The following UIMC1 variants were observed in gnomAD, a reference collection of about 807,000 sequenced individuals.
The protein encoded by UIMC1 is ubiquitin interaction motif containing 1.
UIMC1 carries 42 observed loss-of-function variants against 84.9 expected under a neutral mutation model. The ratio of observed to expected loss-of-function variants is 0.49; its 90% CI spans 0.39 to 0.64. The LOEUF (loss-of-function observed/expected upper bound fraction) is 0.64. UIMC1 is among the 30% of genes least tolerant of loss of function. UIMC1 has a pLI of 0.00. For synonymous variants in UIMC1, 281 were observed against 293.0 expected, an observed-to-expected ratio of 0.96 and a Z score of 0.42; for missense variants, 825 against 847.6, an observed-to-expected ratio of 0.97 and a Z score of 0.33.
chr5:176,997,512 G>A (rs751629392), intron 1 of UIMC1, among the ~76,000 whole-genome samples: 2 of 151,858 alleles, frequency 1.3e-5, no homozygotes, highest in Admixed American at 6.6e-5. Context: ...GTGAAACCCC[G>A]TTTCTACTAA....
intron 6 of UIMC1, among the ~76,000 whole-genome samples, chr5:176,959,781 CAGCA>C (rs927996011): frequency 2.0e-5 from 3 of 151,802 alleles, no homozygotes; most frequent in Non-Finnish European, 2.9e-5. Flanking sequence ...CCTGTAATCC[CAGCA>C]CTTTGGGAGG....
rs761255160 is a variant in UIMC1, at chr5:176,943,294, C to A, written c.1597+41G>T. ...AATGTATAGGATTATAAAACCACCACACAAAAAAGTAAGAGTTTGGCTGTC... is the reference window on the plus strand; with the variant it reads ...AATGTATAGGATTATAAAACCACCAAACAAAAAAGTAAGAGTTTGGCTGTC... On this transcript the variant is annotated intron_variant, in intron 10 of 14. Transcript: ENST00000511320. 39 of 1,599,800 alleles carry A rather than the reference C, an allele frequency of 2.4e-5. 2 individuals are homozygous for A. The South Asian group carries it at 3.9e-4, about 16-fold the overall frequency.
At chr5:176,917,557 A>AT (rs1293008853) in intron 10 of UIMC1, among the ~76,000 whole-genome samples, 3 of 152,210 alleles carry the variant, frequency 2.0e-5, no homozygotes, top group Non-Finnish European at 4.4e-5. Context: ...GGGCGACAGA[A>AT]TGAGACTCTG....
intron 1 of UIMC1, among the ~76,000 whole-genome samples, chr5:176,999,470 C>T (rs1774131624): frequency 6.6e-6 from 1 of 151,984 alleles, no homozygotes; most frequent in South Asian, 2.1e-4. Flanking sequence ...ATAAGTCATC[C>T]TATTGTGCTA....
At chr5:176,923,553 CA>C (rs140083057) in intron 10 of UIMC1, among the ~76,000 whole-genome samples, 425 of 120,076 alleles carry the variant, frequency 3.5e-3, no homozygotes, top group Middle Eastern at 9.7e-3. Context: ...GTATCAAAAG[CA>C]AAAAAAAAAA....
At chr5:176,931,902 G>A (rs534328448) in intron 10 of UIMC1, among the ~76,000 whole-genome samples, 1 of 152,254 alleles carries the variant, frequency 6.6e-6, no homozygotes, top group South Asian at 2.1e-4. Flanking sequence ...AAACCGAGGA[G>A]GCAGAGGTTG....
intron 2 of UIMC1, among the ~76,000 whole-genome samples, chr5:176,981,346 G>C (rs1430605068): frequency 6.6e-6 from 1 of 151,962 alleles, no homozygotes; most frequent in African/African-American, 2.4e-5. Context: ...GGATTTCACT[G>C]TGGTAACCAG....
At chr5:176,947,650 C>T (rs545955343) in intron 9 of UIMC1, among the ~76,000 whole-genome samples, 120 of 152,042 alleles carry the variant, frequency 7.9e-4, no homozygotes, top group African/African-American at 2.7e-3. Context: ...AACCCCATCT[C>T]TACTAAAAAC....
intron 1 of UIMC1, among the ~76,000 whole-genome samples, chr5:176,994,822 C>T (rs558526735): frequency 1.3e-5 from 2 of 152,104 alleles, no homozygotes; most frequent in Non-Finnish European, 2.9e-5. Context: ...GGTCTCGCAA[C>T]GCAGGCATAG....
At chr5:176,953,495 TACACACACAC>T (rs137955830) in intron 8 of UIMC1, among the ~76,000 whole-genome samples, 7 of 136,974 alleles carry the variant, frequency 5.1e-5, no homozygotes, top group South Asian at 2.4e-4. Context: ...ACTGGACACA[TACACACACAC>T]ACACACACAC....
chr5:177,001,141 G>A (rs1774388115), intron 1 of UIMC1, among the ~76,000 whole-genome samples: 1 of 152,140 alleles, frequency 6.6e-6, no homozygotes, highest in African/African-American at 2.4e-5. Context: ...ATAGTTTGAG[G>A]TCTTAGATTT....
chr5:177,018,578 AAAATGGTTCTCATTT>A (rs1269239214), intron 1 of UIMC1, among the ~76,000 whole-genome samples: 2 of 152,286 alleles, frequency 1.3e-5, no homozygotes, highest in East Asian at 3.9e-4. Context: ...GATGTGTTGG[AAAATGGTTCTCATTT>A]TCCACAAGGA....
chr5:177,012,804 A>AGTC (rs1775578723), intron 1 of UIMC1, among the ~76,000 whole-genome samples: 1 of 152,168 alleles, frequency 6.6e-6, no homozygotes, highest in Non-Finnish European at 1.5e-5. Context: ...GCCCATTCAA[A>AGTC]GTAGATGTTT....
intron 12 of UIMC1, 68 bp from the exon 13 acceptor site, chr5:176,907,245 C>A: frequency 3.5e-6 from 5 of 1,429,256 alleles, no homozygotes; most frequent in Non-Finnish European, 2.9e-6. Context: ...TTCCACAGCC[C>A]AGATCACACG....
chr5:176,988,298 T>C (rs1442444804), intron 1 of UIMC1, among the ~76,000 whole-genome samples: 1 of 152,108 alleles, frequency 6.6e-6, no homozygotes, highest in Non-Finnish European at 1.5e-5. Flanking sequence ...TCTAGTACAC[T>C]GTATTATTGA....
chr5:176,954,362 C>T (rs1766306399), intron 8 of UIMC1, among the ~76,000 whole-genome samples: 2 of 152,046 alleles, frequency 1.3e-5, no homozygotes, highest in South Asian at 4.2e-4. Context: ...TCTGAGCACT[C>T]GGTAGTGTAG....
chr5:177,004,237 G>A (rs1774959225), intron 1 of UIMC1, among the ~76,000 whole-genome samples: 1 of 152,128 alleles, frequency 6.6e-6, no homozygotes, highest in South Asian at 2.1e-4. Context: ...CTCAAGGTGG[G>A]TTTTCAAAGA....
At chr5:176,948,118 A>G (rs1293745777) in intron 9 of UIMC1, among the ~76,000 whole-genome samples, 1 of 152,114 alleles carries the variant, frequency 6.6e-6, no homozygotes, top group Admixed American at 6.6e-5. Context: ...GCTCTGGAGG[A>G]CTCTGAATAA....
rs70991588 is a variant in UIMC1 at position 176,963,157 on chromosome 5, TAAAAAAAAAAAAAA to T, written c.1201-5017_1201-5004del. On this transcript the variant is annotated intron_variant, in intron 6 of 14. Transcript: ENST00000511320. The stretch of plus-strand genomic sequence containing the variant: ...AAGAATTATCAATAAAAAAATAAAT[TAAAAAAAAAAAAAA>T]AAAAAAAAAAAAAAAATTCAAAGAA... 7.9e-4 allele frequency among the ~76,000 whole-genome samples: 11 copies of T among 13,964 alleles called. 1 individual carries two copies. The highest frequency in any genetic ancestry group is 5.2e-3 in the Admixed American group (9 of 1,730). The allele number at this position is 13,964 out of a possible 152,430, so 9.2% of individuals were successfully genotyped here. A position where few individuals can be genotyped will look rare whatever the true frequency, so the allele number is the denominator to read the frequency against.
Sources: gnomAD v4.1 joint callset for allele counts (sites outside exome capture counted in the v4.1 genomes callset) on GRCh38, gnomAD v4.1.1 for gene constraint, MANE v1.5 for transcripts, NCBI Gene and HGNC (gene_info 2026-07-23, HGNC 2026-07-21) for gene names.